Variants in FOXP2 observed in about 807,000 individuals in gnomAD.
FOXP2 encodes forkhead box protein P2.
A neutral mutation model predicts 115.8 loss-of-function variants in FOXP2; 12 were observed. The ratio of observed to expected loss-of-function variants is 0.10; its 90% confidence interval spans 0.07 to 0.17. The LOEUF is 0.17. FOXP2 is among the 10% of genes least tolerant of loss of function. The probability of loss-of-function intolerance (pLI) is 1.00; values close to 1 mark genes in which losing one functional copy is unlikely to be tolerated. For missense variants in FOXP2, 629 were observed against 843.5 expected (o/e 0.75, Z 3.15); for synonymous variants, 328 against 297.7 (o/e 1.10, Z -1.05).
At chr7:114,308,559 T>G (rs140856189) in intron 2 of FOXP2, among the ~76,000 whole-genome samples, 235 of 152,292 alleles carry the variant, frequency 1.5e-3, no homozygotes, top group Non-Finnish European at 2.2e-3. Flanking sequence ...GTGACCAAAT[T>G]GTCCTGCTAA....
chr7:114,256,128 G>A (rs1795605734), intron 1 of FOXP2, among the ~76,000 whole-genome samples: 3 of 152,028 alleles, frequency 2.0e-5, no homozygotes, highest in Admixed American at 2.0e-4. Context: ...TTGAGACAGA[G>A]TTTTGCTCTT....
At position 114,254,970 on chromosome 7, in the gene FOXP2, G is replaced by A. The variant is rs111791068; in HGVS notation, c.-101-33049G>A. 1.1e-3 allele frequency among the ~76,000 whole-genome samples: 169 copies of A among 152,252 alleles called. 1 individual carries two copies. Among genetic ancestry groups the A allele is most frequent in the African/African-American group, 3.8e-3 (158 of 41,542 alleles). ...GATGGTGACGTACAGATGAGGTTTT[G>A]GTGTGGATGTCCTTTCTATTTGTTA... On this transcript the variant is annotated intron_variant, in intron 1 of 17. Coordinates refer to the FOXP2 transcript ENST00000634411.
chr7:114,215,230 C>T (rs892099856), intron 1 of FOXP2, among the ~76,000 whole-genome samples: 1 of 151,870 alleles, frequency 6.6e-6, no homozygotes, highest in Non-Finnish European at 1.5e-5. Flanking sequence ...GTTGTTTTAT[C>T]GTGGGGAAGG....
At chr7:114,614,947 G>C (rs975364347) in intron 3 of FOXP2, among the ~76,000 whole-genome samples, 1 of 152,016 alleles carries the variant, frequency 6.6e-6, no homozygotes, top group African/African-American at 2.4e-5. Context: ...TTGGCTGGGC[G>C]CAGTGGCTCA....
chr7:114,327,526 G>C (rs546535078), intron 2 of FOXP2, among the ~76,000 whole-genome samples: 3 of 150,582 alleles, frequency 2.0e-5, no homozygotes, highest in Non-Finnish European at 4.4e-5. Context: ...TTTCAAGATG[G>C]AGTCTTGCTC....
intron 2 of FOXP2, among the ~76,000 whole-genome samples, chr7:114,485,432 T>A (rs991996908): frequency 1.3e-4 from 20 of 151,994 alleles, no homozygotes; most frequent in Admixed American, 2.0e-4. Flanking sequence ...AAATTTTTTT[T>A]AAATAGTTTA....
intron 1 of FOXP2, among the ~76,000 whole-genome samples, chr7:114,128,162 T>G (rs1791771121): frequency 6.6e-6 from 1 of 152,168 alleles, no homozygotes; most frequent in South Asian, 2.1e-4. Context: ...CTGTTAAAAT[T>G]TAAGGATATT....
At chr7:114,162,023 T>C (rs951683677), upstream of FOXP2, among the ~76,000 whole-genome samples, 1 of 152,170 alleles carries the variant, frequency 6.6e-6, no homozygotes, top group Non-Finnish European at 1.5e-5. Context: ...GCTCAAGTGA[T>C]CTGCCTGCTT....
chr7:114,286,959 A>T (rs1029324855), intron 1 of FOXP2, among the ~76,000 whole-genome samples: 7 of 152,068 alleles, frequency 4.6e-5, no homozygotes, highest in Non-Finnish European at 8.8e-5. Flanking sequence ...AATTAGTGAA[A>T]TGTCTAAATG....
At chr7:114,390,851 C>T (rs982961497) in intron 2 of FOXP2, among the ~76,000 whole-genome samples, 1 of 152,084 alleles carries the variant, frequency 6.6e-6, no homozygotes, top group African/African-American at 2.4e-5. Context: ...GCCACCTTAC[C>T]CAGCCTGCCT....
At chr7:114,548,500 A>C (rs547992910) in intron 3 of FOXP2, among the ~76,000 whole-genome samples, 1 of 152,346 alleles carries the variant, frequency 6.6e-6, no homozygotes, top group Non-Finnish European at 1.5e-5. Flanking sequence ...GATATGTGAA[A>C]AGAGATGTTA....
intron 1 of FOXP2, among the ~76,000 whole-genome samples, chr7:114,196,808 C>A (rs761486838): frequency 6.6e-6 from 1 of 152,134 alleles, no homozygotes; most frequent in Non-Finnish European, 1.5e-5. Context: ...CATTTAAAGA[C>A]CTTCCCATTT....
chr7:114,493,836 CTT>C (rs1189370677), intron 2 of FOXP2, among the ~76,000 whole-genome samples: 1 of 142,772 alleles, frequency 7.0e-6, no homozygotes, highest in Non-Finnish European at 1.5e-5. Context: ...ACAATGTGGC[CTT>C]TTTTTTTTTT....
At chr7:114,301,437 A>G (rs1039435728) in intron 2 of FOXP2, among the ~76,000 whole-genome samples, 16 of 152,092 alleles carry the variant, frequency 1.1e-4, no homozygotes, top group Middle Eastern at 3.2e-3. Context: ...TCCACACGTT[A>G]ACAGTGTCTC....
intron 1 of FOXP2, among the ~76,000 whole-genome samples, chr7:114,247,007 T>C (rs998988199): frequency 6.6e-6 from 1 of 152,204 alleles, no homozygotes; most frequent in Non-Finnish European, 1.5e-5. Context: ...AATGCCTTTA[T>C]GTTGAAAAGG....
intron 2 of FOXP2, among the ~76,000 whole-genome samples, chr7:114,526,172 T>A (rs1338587125): frequency 5.0e-5 from 4 of 79,738 alleles, no homozygotes; most frequent in South Asian, 6.4e-4. Context: ...GTTTCTTTAT[T>A]AAAAAAAAAA....
At chr7:114,448,729 C>T (rs577069990) in intron 2 of FOXP2, among the ~76,000 whole-genome samples, 47 of 152,130 alleles carry the variant, frequency 3.1e-4, no homozygotes, top group African/African-American at 1.1e-3. Context: ...AGGGTAAACT[C>T]GGTATTTAAT....
At chr7:114,514,450 A>G (rs1305249196) in intron 2 of FOXP2, among the ~76,000 whole-genome samples, 2 of 129,178 alleles carry the variant, frequency 1.5e-5, no homozygotes, top group African/African-American at 6.3e-5. Flanking sequence ...CCACCATATT[A>G]CTCTATTTAT....
At chr7:114,203,627 A>G (rs112830992) in intron 1 of FOXP2, among the ~76,000 whole-genome samples, 2 of 152,230 alleles carry the variant, frequency 1.3e-5, no homozygotes, top group African/African-American at 4.8e-5. Context: ...TACAGGTGTG[A>G]GCCACCATGC....
Sources: gnomAD v4.1 joint callset for allele counts (sites outside exome capture counted in the v4.1 genomes callset) on GRCh38, gnomAD v4.1.1 for gene constraint, MANE v1.5 for transcripts, NCBI Gene and HGNC (gene_info 2026-07-23, HGNC 2026-07-21) for gene names.